POTEI: variants seen among roughly 807,000 people sequenced by gnomAD.
POTEI encodes POTE ankyrin domain family, member I.
Under a neutral mutation model 43.4 loss-of-function variants are expected in POTEI, and 14 were observed. That is an observed-to-expected ratio of 0.32 (90% CI 0.21 to 0.50). The LOEUF is 0.50. Among genes scored for constraint, POTEI ranks in the 20% least tolerant of loss-of-function variants. The pLI, the probability that POTEI is intolerant of heterozygous loss-of-function variation, is 0.98. For missense variants in POTEI, 235 were observed against 795.4 expected, an observed-to-expected ratio of 0.30 and a Z score of 8.47; for synonymous variants, 95 against 297.9, an observed-to-expected ratio of 0.32 and a Z score of 7.01.
chr2:130,507,408 A>G (rs1684218012), intron 1 of POTEI, among the ~76,000 whole-genome samples: 1 of 1,236 alleles, frequency 8.1e-4, no homozygotes, highest in African/African-American at 8.4e-4. Context: ...ATATATGTGT[A>G]TATATATGTA....
chr2:130,478,527 A>G (rs1196798341), intron 10 of POTEI, among the ~76,000 whole-genome samples: 1 of 67,706 alleles, frequency 1.5e-5, no homozygotes, highest in African/African-American at 6.4e-5. Flanking sequence ...CTGCTAAAAA[A>G]TTCTGATTGG....
At position 130,508,962 on chromosome 2, in the gene POTEI, T is replaced by A. The variant is rs775546597; in HGVS notation, c.274A>T (p.Lys92Ter). The part of the protein sequence containing the change: ...TSGDHDDSAM[K>*]TLRSKMGKWC... ...TTGCCCATCTTGCTCCTGAGCGTCTTCATAGCGGAGTCGTCGTGGTCTCCA... is the reference window on the plus strand; with the variant it reads ...TTGCCCATCTTGCTCCTGAGCGTCTACATAGCGGAGTCGTCGTGGTCTCCA... Residue 92 changes from lysine (K) to a stop codon, truncating the protein, a stop_gained, in exon 1 of 15, where the codon AAG (lysine) becomes TAG (stop). Transcript: ENST00000451531. LOFTEE classifies it high-confidence loss of function. 3.1e-6 allele frequency: 5 copies of A among 1,592,508 alleles called. No individual in the cohort carries two copies. The highest frequency in any genetic ancestry group is 4.3e-6 in the Non-Finnish European group (5 of 1,171,474).
At position 130,509,302 on chromosome 2, in the gene POTEI, A is replaced by G; in HGVS notation, c.-67T>C. On this transcript the variant is annotated 5_prime_UTR_variant, in exon 1 of 15. Transcript: ENST00000451531. ...TCACGTCTACCAACCAGTTTCACCA[A>G]CTAGCAGGTAACTCCGGGTTTCCAA... The G allele has an allele frequency of 1.4e-6, 1 of 704,828 alleles. No homozygotes were observed. Among genetic ancestry groups the G allele is most frequent in the Non-Finnish European group, 2.2e-6 (1 of 459,048 alleles). 43.7% of individuals were successfully genotyped at this position (704,828 alleles called of 1,614,324 possible).
intron 4 of POTEI, 100 bp downstream of exon 4, chr2:130,500,436 A>C (rs1573937126): frequency 1.8e-5 from 14 of 766,282 alleles, no homozygotes; most frequent in African/African-American, 7.1e-5. Context: ...GATACTGATC[A>C]CTACATCCCA....
chr2:130,507,355 TAC>T (rs1338122248), intron 1 of POTEI, among the ~76,000 whole-genome samples: 3 of 86,710 alleles, frequency 3.5e-5, no homozygotes, highest in Non-Finnish European at 4.8e-5. Context: ...TGTATATATA[TAC>T]ACACACATAT....
chr2:130,461,225 TG>T lies in POTEI; in HGVS notation c.*1590del, dbSNP rs1306356664. Reference sequence around the variant, plus strand: ...TTTTTATAGAGCAGCTGTGCTGTGCTGGGGGTTCACTTCAGCCCCTGGTCCG... The same window carrying T: ...TTTTTATAGAGCAGCTGTGCTGTGCTGGGGTTCACTTCAGCCCCTGGTCCG... On this transcript the variant is annotated 3_prime_UTR_variant, in exon 15 of 15. Transcript: ENST00000451531. 6.6e-6 allele frequency: 1 copy of T among 151,310 alleles called. No individual in the cohort carries two copies. Among genetic ancestry groups the T allele is most frequent in the African/African-American group, 2.5e-5 (1 of 40,662 alleles). 9.4% of individuals were successfully genotyped at this position (151,310 alleles called of 1,614,324 possible).
chr2:130,508,945 C>T lies in POTEI; in HGVS notation c.291G>A (p.Lys97=), dbSNP rs758785037. The change falls in exon 1 of 15, where the codon AAG becomes AAA. Residue 97 remains lysine, a synonymous_variant. Coordinates refer to ENST00000451531, the MANE Select transcript of POTEI (RefSeq NM_001277406.2). ...DDSAMKTLRS[K]MGKWCCHCFP... is the part of the protein sequence containing the mutation. ...AGCAGTGGCAGCACCACTTGCCCAT[C>T]TTGCTCCTGAGCGTCTTCATAGCGG... is the stretch of plus-strand genomic sequence containing the variant. 3 of 1,590,288 alleles carry T rather than the reference C, an allele frequency of 1.9e-6. No homozygotes were observed. The highest frequency in any genetic ancestry group is 2.6e-6 in the Non-Finnish European group (3 of 1,170,338).
At chr2:130,507,315 TATACACACAC>T (rs1231916809) in intron 1 of POTEI, among the ~76,000 whole-genome samples, 633 of 7,196 alleles carry the variant, frequency 0.088, 13 homozygotes, top group Middle Eastern at 0.5. Context: ...TATATATATA[TATACACACAC>T]ACACACACAC....
chr2:130,469,467 G>C (rs1682980925), intron 13 of POTEI, among the ~76,000 whole-genome samples: 1 of 143,760 alleles, frequency 7.0e-6, no homozygotes, highest in Non-Finnish European at 1.5e-5. Flanking sequence ...AATAGACAGT[G>C]CCTGACCAGT....
intron 9 of POTEI, among the ~76,000 whole-genome samples, chr2:130,484,236 T>A (rs2105090273): frequency 6.6e-6 from 1 of 150,520 alleles, no homozygotes; most frequent in South Asian, 2.1e-4. Context: ...TTTATTTGTA[T>A]ATCAAAGACT....
chr2:130,480,411 T>A (rs1381412658), intron 10 of POTEI, among the ~76,000 whole-genome samples: 1 of 151,070 alleles, frequency 6.6e-6, no homozygotes, highest in Non-Finnish European at 1.5e-5. Flanking sequence ...AAAAGTGAAC[T>A]GCTCAGAAAC....
chr2:130,482,527 A>G (rs1398240826), intron 9 of POTEI, among the ~76,000 whole-genome samples: 1 of 150,420 alleles, frequency 6.6e-6, no homozygotes, highest in African/African-American at 2.5e-5. Context: ...ACAATGGAAT[A>G]ATTTGTTCCT....
chr2:130,492,869 T>G (rs934194438), intron 6 of POTEI, among the ~76,000 whole-genome samples: 2 of 149,234 alleles, frequency 1.3e-5, no homozygotes, highest in African/African-American at 4.9e-5. Flanking sequence ...GAAACCACAT[T>G]GCGTTTGAGT....
chr2:130,468,408 T>C lies in POTEI; in HGVS notation c.1779-2636A>G, dbSNP rs1309248083. Among the ~76,000 whole-genome samples, 9 of 152,364 alleles carry C rather than the reference T, an allele frequency of 5.9e-5. No homozygotes were observed. In the East Asian group the frequency reaches 1.2e-3, roughly 20 times the overall value. On this transcript the variant is annotated intron_variant, in intron 13 of 14. Coordinates refer to ENST00000451531, the MANE Select transcript of POTEI (RefSeq NM_001277406.2). Reference sequence around the variant, plus strand: ...TAATTCATAAAGGAAAGAGGATTAATTGATTCACAGTTACGCATGGCTGGG... The same window carrying C: ...TAATTCATAAAGGAAAGAGGATTAACTGATTCACAGTTACGCATGGCTGGG...
intron 9 of POTEI, among the ~76,000 whole-genome samples, chr2:130,482,341 C>G (rs1333476797): frequency 2.0e-5 from 3 of 148,116 alleles, no homozygotes; most frequent in Non-Finnish European, 4.4e-5. Flanking sequence ...AGAAAGTGTC[C>G]CAACTCTAAA....
At chr2:130,468,706 G>A (rs1332757233) in intron 13 of POTEI, among the ~76,000 whole-genome samples, 2 of 149,610 alleles carry the variant, frequency 1.3e-5, no homozygotes, top group South Asian at 4.2e-4. Flanking sequence ...AAACTATTGG[G>A]GGGGGGGGTA....
Position 130,460,222 on chromosome 2 carries a change from G to C in POTEI, c.*2594C>G, listed in dbSNP as rs1573903139. The C allele has an allele frequency of 6.6e-6, 1 of 151,378 alleles. No individual in the cohort carries two copies. The highest frequency in any genetic ancestry group is 2.4e-5 in the African/African-American group (1 of 40,874). 9.4% of individuals were successfully genotyped at this position (151,378 alleles called of 1,614,324 possible). On this transcript the variant is annotated 3_prime_UTR_variant, in exon 15 of 15. Transcript: ENST00000451531. ...AGGCGAGCAGACTAAGGAGTGCTGA[G>C]ATCAGACCAGCCCCATCTCAAGTGC...
At chr2:130,479,123 C>G (rs1683305736) in intron 10 of POTEI, among the ~76,000 whole-genome samples, 3 of 132,870 alleles carry the variant, frequency 2.3e-5, no homozygotes, top group Non-Finnish European at 4.7e-5. Flanking sequence ...GTCCCCCAAG[C>G]CTTTCTCATT....
At chr2:130,477,289 G>C (rs1398794866) in intron 10 of POTEI, among the ~76,000 whole-genome samples, 3 of 144,132 alleles carry the variant, frequency 2.1e-5, no homozygotes, top group African/African-American at 7.7e-5. Flanking sequence ...GAGTAACTGT[G>C]ATTACAGGCA....
Sources: gnomAD v4.1 joint callset for allele counts (sites outside exome capture counted in the v4.1 genomes callset) on GRCh38, gnomAD v4.1.1 for gene constraint, MANE v1.5 for transcripts, NCBI Gene and HGNC (gene_info 2026-07-23, HGNC 2026-07-21) for gene names.